Variants in LINC00237 observed in about 807,000 individuals in gnomAD.
LINC00237 encodes long intergenic non-protein coding RNA 237.
Position 21,105,272 on chromosome 20 carries a change from AC to A in LINC00237, n.88+998del, listed in dbSNP as rs34082827. Reference sequence around the variant, plus strand: ...CACCCTCCCGCTCTGGGTCTGAACAACCCCCCCGTCCCCCGCCCCCCACCCC... The same window carrying A: ...CACCCTCCCGCTCTGGGTCTGAACAACCCCCCGTCCCCCGCCCCCCACCCC... On this transcript the variant is annotated intron_variant and non_coding_transcript_variant, in intron 1 of 3. Coordinates refer to ENST00000691244, the Ensembl canonical transcript of LINC00237. 3.3e-4 allele frequency among the ~76,000 whole-genome samples: 49 copies of A among 147,424 alleles called. No individual in the cohort carries two copies. The East Asian group carries it at 8.0e-3, about 24-fold the overall frequency.
exon 1 of LINC00237, chr20:21,106,358 T>G (rs1185793517): frequency 6.6e-6 from 1 of 152,226 alleles, no homozygotes; most frequent in Non-Finnish European, 1.5e-5. Flanking sequence ...CCAGTCCGGT[T>G]AGCTGGTCGG....
intron 1 of LINC00237, among the ~76,000 whole-genome samples, chr20:21,104,493 T>TG (rs1423452737): frequency 6.6e-6 from 1 of 152,170 alleles, no homozygotes; most frequent in East Asian, 1.9e-4. Context: ...TTGAGGGGAG[T>TG]GGCCTCCTCT....
intron 1 of LINC00237, among the ~76,000 whole-genome samples, chr20:21,102,343 G>T (rs138578931): frequency 6.6e-6 from 1 of 152,164 alleles, no homozygotes; most frequent in Admixed American, 6.5e-5. Flanking sequence ...CACTCTCGAC[G>T]TGTCTGGAAC....
At chr20:21,097,639 T>C (rs2030878140) in intron 1 of LINC00237, among the ~76,000 whole-genome samples, 1 of 152,216 alleles carries the variant, frequency 6.6e-6, no homozygotes, top group Non-Finnish European at 1.5e-5. Flanking sequence ...ATTATTATAT[T>C]TCTAATATTT....
intron 1 of LINC00237, among the ~76,000 whole-genome samples, chr20:21,099,385 A>T (rs1333623229): frequency 6.6e-6 from 1 of 152,250 alleles, no homozygotes; most frequent in Non-Finnish European, 1.5e-5. Flanking sequence ...AGCACAGTGG[A>T]AAGTTGGTCT....
chr20:21,095,549 G>A (rs1175868643), intron 1 of LINC00237, among the ~76,000 whole-genome samples: 1 of 152,204 alleles, frequency 6.6e-6, no homozygotes, highest in Non-Finnish European at 1.5e-5. Context: ...AATAAAATGA[G>A]AATGAGCACA....
At chr20:21,096,715 G>C (rs1360376785) in intron 1 of LINC00237, among the ~76,000 whole-genome samples, 1 of 152,116 alleles carries the variant, frequency 6.6e-6, no homozygotes, top group Admixed American at 6.5e-5. Context: ...GAAGAGTCTG[G>C]TATTCTGCAA....
At position 21,101,645 on chromosome 20, in the gene LINC00237, C is replaced by T. The variant is rs1440923911; in HGVS notation, n.88+4626G>A. 3 of 152,296 alleles carry T rather than the reference C, an allele frequency of 2.0e-5. No homozygotes were observed. The highest frequency in any genetic ancestry group is 1.5e-5 in the Non-Finnish European group (1 of 68,086). 9.4% of individuals were successfully genotyped at this position (152,296 alleles called of 1,614,324 possible). A position where few individuals can be genotyped will look rare whatever the true frequency, so the allele number is the denominator to read the frequency against. On this transcript the variant is annotated intron_variant and non_coding_transcript_variant, in intron 1 of 3. Coordinates refer to ENST00000691244, the Ensembl canonical transcript of LINC00237. The surrounding 1 kb of genome is among the most constrained non-coding windows in gnomAD (Gnocchi z 4.3). ...CCGGGTAGCTCCGCCCTTCCTTTTG[C>T]TCAGGCAGCTAACTTTGGAGCCGGG...
At chr20:21,086,635 C>CTATATATAGGATACTA (rs1568883416) in intron 3 of LINC00237, among the ~76,000 whole-genome samples, 1 of 68,648 alleles carries the variant, frequency 1.5e-5, no homozygotes, top group East Asian at 6.3e-4. Context: ...ATATAGTATA[C>CTATATATAGGATACTA]TATATATAGT....
intron 2 of LINC00237, chr20:21,093,404 C>T (rs2030816847): frequency 6.6e-6 from 1 of 152,214 alleles, no homozygotes; most frequent in Non-Finnish European, 1.5e-5. Context: ...CTCTTATACT[C>T]ATCCAACTTG....
intron 1 of LINC00237, among the ~76,000 whole-genome samples, chr20:21,105,391 T>A (rs889721872): frequency 6.7e-6 from 1 of 150,340 alleles, no homozygotes; most frequent in Non-Finnish European, 1.5e-5. Flanking sequence ...GACAGAGCCA[T>A]GGAATAAGAG....
Position 21,101,739 on chromosome 20 carries a change from T to C in LINC00237, n.88+4532A>G, listed in dbSNP as rs543194708. 4.3e-4 allele frequency among the ~76,000 whole-genome samples: 66 copies of C among 152,310 alleles called. No homozygotes were observed. The highest frequency in any genetic ancestry group is 7.5e-4 in the Non-Finnish European group (51 of 68,010). ...CTGCCTCCTGGAAAAGCTGTCACGA[T>C]TGGGCTTGGGCTTGGGCTTGGCCTT... On this transcript the variant is annotated intron_variant and non_coding_transcript_variant, in intron 1 of 3. Coordinates refer to ENST00000691244, the Ensembl canonical transcript of LINC00237. The surrounding 1 kb of genome is among the most constrained non-coding windows in gnomAD (Gnocchi z 4.3).
exon 2 of LINC00237, chr20:21,093,636 CCT>C (rs776463560): frequency 3.3e-5 from 5 of 152,358 alleles, no homozygotes; most frequent in East Asian, 1.9e-4. Context: ...GGAATCTTCC[CCT>C]GTCTCATGTG....
intron 2 of LINC00237, among the ~76,000 whole-genome samples, chr20:21,088,225 T>A (rs1325867831): frequency 6.6e-6 from 1 of 151,976 alleles, no homozygotes; most frequent in African/African-American, 2.4e-5. Context: ...AAAGGTGGCG[T>A]AGAAAGATAA....
At chr20:21,088,998 T>C (rs2030752753) in intron 2 of LINC00237, among the ~76,000 whole-genome samples, 1 of 151,996 alleles carries the variant, frequency 6.6e-6, no homozygotes, top group Admixed American at 6.6e-5. Context: ...TTTCTTCCTC[T>C]TTTTTAGCCA....
chr20:21,098,261 A>C (rs2030885600), intron 1 of LINC00237, among the ~76,000 whole-genome samples: 1 of 152,240 alleles, frequency 6.6e-6, no homozygotes. Context: ...CAAAGTCAGA[A>C]ATTAATAATA....
intron 1 of LINC00237, among the ~76,000 whole-genome samples, chr20:21,105,220 G>A (rs2030983175): frequency 6.6e-6 from 1 of 152,122 alleles, no homozygotes; most frequent in Admixed American, 6.5e-5. Context: ...GAGCCCTCTG[G>A]AGCCCTGGTC....
At position 21,088,192 on chromosome 20, in the gene LINC00237, G is replaced by A. The variant is rs73288331; in HGVS notation, n.473-162C>T. On this transcript the variant is annotated intron_variant and non_coding_transcript_variant, in intron 2 of 3. Transcript: ENST00000691244. The stretch of plus-strand genomic sequence containing the variant: ...TTCAGATGAGATGACTGAAACTGCC[G>A]CAGTCACTATAGGACCGTGAATAAA... Among the ~76,000 whole-genome samples the A allele has an allele frequency of 8.9e-3, 1,359 of 152,166 alleles. 17 individuals carry two copies. The highest frequency in any genetic ancestry group is 0.027 in the African/African-American group (1,112 of 41,516).
intron 1 of LINC00237, among the ~76,000 whole-genome samples, chr20:21,100,109 G>C: frequency 6.6e-6 from 1 of 152,016 alleles, no homozygotes; most frequent in East Asian, 1.9e-4. Context: ...TCTTTTTTAA[G>C]AACTCGAAAA....
Sources: allele counts gnomAD v4.1 joint callset (sites outside exome capture counted in the v4.1 genomes callset), GRCh38; gene constraint gnomAD v4.1.1; non-coding constraint Gnocchi (gnomAD v3.1); transcripts MANE v1.5; gene names NCBI Gene and HGNC (gene_info 2026-07-23, HGNC 2026-07-21).